TJP1: variants seen among roughly 807,000 people sequenced by gnomAD.
TJP1 encodes the protein tight junction protein ZO-1.
TJP1 carries 43 observed loss-of-function variants against 194.2 expected under a neutral mutation model. That is an observed-to-expected ratio of 0.22 (90% CI 0.17 to 0.29). TJP1 has a LOEUF of 0.29. TJP1 is among the 10% of genes least tolerant of loss of function. The pLI is 1.00. For synonymous variants in TJP1, 801 were observed against 779.0 expected, an observed-to-expected ratio of 1.03 and a Z score of -0.47; for missense variants, 1,971 against 2,185.7, an observed-to-expected ratio of 0.90 and a Z score of 1.96.
chr15:29,906,969 T>A lies in TJP1; in HGVS notation c.306+49263A>T, dbSNP rs552009874. The stretch of plus-strand genomic sequence containing the variant: ...GAATATAAAAATATAAACTACAGTA[T>A]GATTCTAATTTTGTTTTTAAAAAGT... On this transcript the variant is annotated intron_variant, in intron 2 of 28. Transcript: ENST00000356107. Among the ~76,000 whole-genome samples, 16 of 152,292 alleles carry A rather than the reference T, an allele frequency of 1.1e-4. No individual in the cohort carries two copies. The South Asian group carries it at 3.3e-3, about 32-fold the overall frequency.
chr15:29,875,461 C>T (rs1467970309), intron 2 of TJP1, among the ~76,000 whole-genome samples: 1 of 152,204 alleles, frequency 6.6e-6, no homozygotes, highest in African/African-American at 2.4e-5. Context: ...CATGCATTTG[C>T]TTTTGTGCAA....
chr15:29,912,956 G>A (rs2054069150), intron 2 of TJP1, among the ~76,000 whole-genome samples: 1 of 152,214 alleles, frequency 6.6e-6, no homozygotes, highest in Admixed American at 6.5e-5. Flanking sequence ...CTGCAGGATT[G>A]CAGGAAGCAG....
At chr15:29,797,738 A>G (rs62014465) in intron 2 of TJP1, among the ~76,000 whole-genome samples, 131 of 152,264 alleles carry the variant, frequency 8.6e-4, no homozygotes, top group South Asian at 1.9e-3. Flanking sequence ...GACTACTGCA[A>G]CTCAACAACT....
At chr15:29,922,759 A>G (rs1273252203) in intron 2 of TJP1, among the ~76,000 whole-genome samples, 2 of 152,218 alleles carry the variant, frequency 1.3e-5, no homozygotes, top group African/African-American at 4.8e-5. Context: ...AAAGAAAAGC[A>G]TAATGGGATA....
At chr15:29,773,051 A>G (rs924983447) in intron 3 of TJP1, among the ~76,000 whole-genome samples, 182 bp downstream of exon 3, 2 of 152,178 alleles carry the variant, frequency 1.3e-5, no homozygotes, top group Non-Finnish European at 2.9e-5. Context: ...TACAGGAGTG[A>G]GCCACCACAC....
intron 2 of TJP1, among the ~76,000 whole-genome samples, chr15:29,865,407 A>G (rs2052266962): frequency 6.6e-6 from 1 of 152,162 alleles, no homozygotes; most frequent in African/African-American, 2.4e-5. Context: ...CAACCTCAAA[A>G]TAATACTCTT....
chr15:29,853,587 A>G (rs1567135866), intron 2 of TJP1, among the ~76,000 whole-genome samples: 1 of 152,234 alleles, frequency 6.6e-6, no homozygotes, highest in African/African-American at 2.4e-5. Flanking sequence ...GTGAACAGAG[A>G]TACACACTTT....
chr15:29,809,113 A>T (rs1165776303), intron 1 of TJP1, among the ~76,000 whole-genome samples: 2 of 152,244 alleles, frequency 1.3e-5, no homozygotes, highest in Non-Finnish European at 1.5e-5. Context: ...AATATACATG[A>T]TATGTAAAAT....
At chr15:29,895,960 T>C (rs193195536) in intron 2 of TJP1, among the ~76,000 whole-genome samples, 1 of 152,344 alleles carries the variant, frequency 6.6e-6, no homozygotes, top group Admixed American at 6.5e-5. Context: ...TCTTCTGTCC[T>C]CACGTGATGT....
At chr15:29,949,032 C>T (rs1482773120) in intron 2 of TJP1, among the ~76,000 whole-genome samples, 1 of 150,774 alleles carries the variant, frequency 6.6e-6, no homozygotes, top group Non-Finnish European at 1.5e-5. Flanking sequence ...TCACAAACAC[C>T]CACCACCATC....
rs1014610356 is a variant in TJP1 at position 29,822,201 on chromosome 15, G to C, written c.-173C>G. ...GGGAGGGAATTCAACTCGGACAAAA[G>C]TCCGGGAAGCGCCCGCCCCGCCCGG... is the stretch of plus-strand genomic sequence containing the variant. On this transcript the variant is annotated 5_prime_UTR_variant, in exon 1 of 28. Transcript: ENST00000614355. 2.5e-6 allele frequency: 3 copies of C among 1,178,758 alleles called. No individual in the cohort carries two copies. Among genetic ancestry groups the C allele is most frequent in the African/African-American group, 1.6e-5 (1 of 62,340 alleles). 73.0% of individuals were successfully genotyped at this position (1,178,758 alleles called of 1,614,324 possible).
chr15:29,961,390 G>A (rs542269417), intron 1 of TJP1, among the ~76,000 whole-genome samples: 14 of 118,172 alleles, frequency 1.2e-4, no homozygotes, highest in Admixed American at 8.9e-4. Flanking sequence ...CGCCCAGGCC[G>A]GACTGCGGAC....
intron 1 of TJP1, among the ~76,000 whole-genome samples, chr15:29,802,086 T>G (rs1446898441): frequency 6.6e-6 from 1 of 152,176 alleles, no homozygotes; most frequent in Non-Finnish European, 1.5e-5. Context: ...TCTCTTAATG[T>G]TACCATTTTA....
chr15:29,784,726 C>G (rs1370091232), intron 2 of TJP1, among the ~76,000 whole-genome samples: 1 of 152,052 alleles, frequency 6.6e-6, no homozygotes, highest in Non-Finnish European at 1.5e-5. Context: ...TAATAATATT[C>G]TGACAATCAA....
intron 2 of TJP1, among the ~76,000 whole-genome samples, chr15:29,834,382 G>C (rs1475183619): frequency 1.3e-5 from 2 of 151,960 alleles, no homozygotes; most frequent in Admixed American, 6.6e-5. Flanking sequence ...CACCCGCCCA[G>C]CTAATTTTTG....
Position 29,718,782 on chromosome 15 carries a change from G to A in TJP1, c.3360C>T (p.Pro1120=), listed in dbSNP as rs1204053382. The change falls in exon 21 of 28, where the codon CCC becomes CCT. Residue 1120 remains proline, a synonymous_variant. Coordinates refer to ENST00000614355, the MANE Select transcript of TJP1 (RefSeq NM_001330239.4). The stretch of plus-strand genomic sequence containing the variant: ...AGTACCCTCGTTCTGAGGACTCTTC[G>A]GGATGCTGTCTGGAGTCAAGGTCTT... ...HSQDLDSRQH[P]EESSERGYFP... 6 of 1,614,030 alleles carry A rather than the reference G, an allele frequency of 3.7e-6. No homozygotes were observed. The highest frequency in any genetic ancestry group is 2.2e-5 in the East Asian group (1 of 44,886).
intron 2 of TJP1, among the ~76,000 whole-genome samples, chr15:29,870,852 AAAGAG>A (rs541342352): frequency 6.6e-6 from 1 of 152,224 alleles, no homozygotes; most frequent in Non-Finnish European, 1.5e-5. Context: ...GGGCCAATGC[AAAGAG>A]AAGAGAAGAT....
At chr15:29,746,286 G>A (rs1478621075) in intron 8 of TJP1, among the ~76,000 whole-genome samples, 1 of 152,058 alleles carries the variant, frequency 6.6e-6, no homozygotes, top group Non-Finnish European at 1.5e-5. Context: ...GCTGAGGCAG[G>A]AGAATGGCGT....
Position 29,886,766 on chromosome 15 carries a change from A to G in TJP1, c.306+69466T>C, listed in dbSNP as rs193238916. On this transcript the variant is annotated intron_variant, in intron 2 of 28. Transcript: ENST00000356107. ...GTAGGACCTATTTAGAGAAAATTGGAAAATTTTGTGAGAAATATAAAAAGT... is the reference window on the plus strand; with the variant it reads ...GTAGGACCTATTTAGAGAAAATTGGGAAATTTTGTGAGAAATATAAAAAGT... Among the ~76,000 whole-genome samples the G allele has an allele frequency of 4.2e-3, 644 of 152,266 alleles. 4 individuals carry two copies. The highest frequency in any genetic ancestry group is 6.8e-3 in the Middle Eastern group (2 of 294).
Sources: gnomAD v4.1 joint callset for allele counts (sites outside exome capture counted in the v4.1 genomes callset) on GRCh38, gnomAD v4.1.1 for gene constraint, MANE v1.5 for transcripts, NCBI Gene and HGNC (gene_info 2026-07-23, HGNC 2026-07-21) for gene names.